The following RGL1 variants were observed in gnomAD, a reference collection of about 807,000 sequenced individuals.
RGL1 encodes ral guanine nucleotide dissociation stimulator like 1.
Under a neutral mutation model 95.2 loss-of-function variants are expected in RGL1, and 24 were observed. That is an observed-to-expected ratio of 0.25 (90% CI 0.18 to 0.35). The LOEUF is 0.35. Ranked by LOEUF, RGL1 falls within the 10% of genes least tolerant of loss-of-function variation. The pLI is 1.00. For missense variants in RGL1, 715 were observed against 936.3 expected (o/e 0.76, Z 3.08); for synonymous variants, 329 against 344.9 (o/e 0.95, Z 0.51).
chr1:183,899,346 C>G lies in RGL1; in HGVS notation c.1231-804C>G, dbSNP rs150980772. 2.4e-3 allele frequency among the ~76,000 whole-genome samples: 370 copies of G among 152,322 alleles called. 3 individuals carry two copies. Among genetic ancestry groups the G allele is most frequent in the Middle Eastern group, 0.01 (3 of 294 alleles). On this transcript the variant is annotated intron_variant, in intron 10 of 17. Coordinates refer to ENST00000360851, the MANE Select transcript of RGL1 (RefSeq NM_001297671.3). Reference sequence around the variant, plus strand: ...ACCAACTGCATTTTGTTGTCTGTCACCCCTGTCTCTTCAGGTCTACGACAG... The same window carrying G: ...ACCAACTGCATTTTGTTGTCTGTCAGCCCTGTCTCTTCAGGTCTACGACAG...
intron 2 of RGL1, among the ~76,000 whole-genome samples, chr1:183,836,263 T>C (rs533206900): frequency 2.0e-5 from 3 of 152,172 alleles, no homozygotes; most frequent in Non-Finnish European, 4.4e-5. Context: ...CTTTTCTTTT[T>C]TTTTTAGACG....
chr1:183,772,229 A>T (rs563110847), intron 2 of RGL1, among the ~76,000 whole-genome samples: 1 of 152,206 alleles, frequency 6.6e-6, no homozygotes, highest in Non-Finnish European at 1.5e-5. Flanking sequence ...TGAGCTGGTT[A>T]ACACAAGCCG....
intron 1 of RGL1, among the ~76,000 whole-genome samples, chr1:183,721,193 A>G (rs911197960): frequency 2.6e-5 from 4 of 152,230 alleles, no homozygotes; most frequent in South Asian, 2.1e-4. Context: ...AACTCACCTA[A>G]TCATATTCCT....
At chr1:183,679,550 C>T (rs1225571822) in intron 1 of RGL1, among the ~76,000 whole-genome samples, 2 of 142,226 alleles carry the variant, frequency 1.4e-5, no homozygotes, top group Admixed American at 1.4e-4. Flanking sequence ...AATGCTCATC[C>T]TTTTTTATGG....
intron 4 of RGL1, among the ~76,000 whole-genome samples, chr1:183,875,363 GATTTAAT>G (rs1202126530): frequency 6.6e-6 from 1 of 152,162 alleles, no homozygotes; most frequent in African/African-American, 2.4e-5. Flanking sequence ...ATGTTAATAT[GATTTAAT>G]ACGTTTACCT....
intron 1 of RGL1, among the ~76,000 whole-genome samples, chr1:183,676,435 G>A (rs531679893): frequency 5.3e-5 from 8 of 151,824 alleles, no homozygotes; most frequent in South Asian, 4.2e-4. Flanking sequence ...TTCCCTACAC[G>A]AAGCATTTCC....
At chr1:183,912,337 G>A in intron 15 of RGL1, 69 bp downstream of exon 15, 1 of 1,293,418 alleles carries the variant, frequency 7.7e-7, no homozygotes, top group Non-Finnish European at 1.1e-6. Flanking sequence ...ACCACAGCAA[G>A]GAATGTCTGT....
chr1:183,722,742 C>T (rs1656081795), intron 1 of RGL1, among the ~76,000 whole-genome samples: 1 of 152,170 alleles, frequency 6.6e-6, no homozygotes, highest in African/African-American at 2.4e-5. Context: ...ACCTTTCAAA[C>T]ATGAAACATG....
intron 14 of RGL1, among the ~76,000 whole-genome samples, chr1:183,910,041 T>C (rs1272371661): frequency 6.6e-6 from 1 of 152,200 alleles, no homozygotes; most frequent in African/African-American, 2.4e-5. Flanking sequence ...GCTTAATTAC[T>C]ATTCCTCTGT....
At chr1:183,870,843 A>T (rs1666142056) in intron 4 of RGL1, among the ~76,000 whole-genome samples, 1 of 152,208 alleles carries the variant, frequency 6.6e-6, no homozygotes, top group African/African-American at 2.4e-5. Flanking sequence ...TTTTATAAGT[A>T]GCTGAATCAA....
In RGL1 at chr1:183,805,250, G is replaced by C. The variant is rs1173741967; in HGVS notation, c.-48G>C. Reference sequence around the variant, plus strand: ...CCCAGCAGACATTGCGTTGGCCTCCGAGCAGGGCGCATCATGCAGCGTTCG... The same window carrying C: ...CCCAGCAGACATTGCGTTGGCCTCCCAGCAGGGCGCATCATGCAGCGTTCG... On this transcript the variant is annotated 5_prime_UTR_variant, in exon 1 of 18. Transcript: ENST00000360851. The C allele has an allele frequency of 6.2e-7, 1 of 1,606,294 alleles. No individual in the cohort carries two copies. The highest frequency in any genetic ancestry group is 1.3e-5 in the African/African-American group (1 of 74,844).
chr1:183,808,403 A>C (rs1220870682), intron 2 of RGL1, among the ~76,000 whole-genome samples: 2 of 152,174 alleles, frequency 1.3e-5, no homozygotes, highest in Non-Finnish European at 2.9e-5. Context: ...CCATTTCAAC[A>C]AAGTGTGATT....
At chr1:183,733,424 G>A (rs1202841527) in intron 1 of RGL1, among the ~76,000 whole-genome samples, 1 of 152,224 alleles carries the variant, frequency 6.6e-6, no homozygotes, top group Admixed American at 6.5e-5. Context: ...ATCTCTAGTG[G>A]TTTCCCCTTG....
chr1:183,703,384 T>C (rs1050823280), intron 1 of RGL1, among the ~76,000 whole-genome samples: 4 of 152,170 alleles, frequency 2.6e-5, no homozygotes, highest in Non-Finnish European at 5.9e-5. Flanking sequence ...ACAAGACTTT[T>C]ATTAGCTTTT....
chr1:183,892,337 C>G (rs1667473338), intron 9 of RGL1, among the ~76,000 whole-genome samples, 176 bp downstream of exon 9: 1 of 152,144 alleles, frequency 6.6e-6, no homozygotes, highest in African/African-American at 2.4e-5. Flanking sequence ...TGAGAAAATT[C>G]TAAGTCCAGT....
intron 3 of RGL1, among the ~76,000 whole-genome samples, chr1:183,853,529 A>T (rs1457038482): frequency 6.6e-6 from 1 of 152,182 alleles, no homozygotes; most frequent in Admixed American, 6.5e-5. Context: ...CCATTTGTAA[A>T]CACTATGCTT....
chr1:183,720,732 A>G (rs1249409341), intron 1 of RGL1, among the ~76,000 whole-genome samples: 1 of 152,308 alleles, frequency 6.6e-6, no homozygotes, highest in East Asian at 1.9e-4. Context: ...GTAGGAGTTT[A>G]CCTACTACCA....
chr1:183,918,895 A>C (rs538199436), intron 16 of RGL1, among the ~76,000 whole-genome samples: 91 of 152,346 alleles, frequency 6.0e-4, no homozygotes, highest in Non-Finnish European at 1.0e-3. Context: ...CCTTGCTCAC[A>C]GGACGTACCT....
intron 1 of RGL1, among the ~76,000 whole-genome samples, chr1:183,682,408 C>T (rs761380947): frequency 2.6e-5 from 4 of 152,088 alleles, no homozygotes; most frequent in Non-Finnish European, 4.4e-5. Context: ...TTATTTCTGC[C>T]TTCATTTTGT....
Sources: allele counts gnomAD v4.1 joint callset (sites outside exome capture counted in the v4.1 genomes callset), GRCh38; gene constraint gnomAD v4.1.1; transcripts MANE v1.5; gene names NCBI Gene and HGNC (gene_info 2026-07-23, HGNC 2026-07-21).